PUM1: variants seen among roughly 807,000 people sequenced by gnomAD.
The protein encoded by PUM1 is pumilio RNA binding family member 1.
In PUM1, 13 loss-of-function variants were observed where a neutral mutation model predicts 131.8. The observed-to-expected ratio is 0.10, with a 90% CI of 0.06 to 0.16. PUM1 has a LOEUF of 0.16. PUM1 is among the 10% of genes least tolerant of loss of function. The pLI is 1.00. For missense variants in PUM1, 961 were observed against 1,512.4 expected, an observed-to-expected ratio of 0.64 and a Z score of 6.05; for synonymous variants, 509 against 556.5, an observed-to-expected ratio of 0.91 and a Z score of 1.20.
At chr1:31,047,021 T>C (rs1317334281) in intron 2 of PUM1, among the ~76,000 whole-genome samples, 1 of 151,988 alleles carries the variant, frequency 6.6e-6, no homozygotes, top group African/African-American at 2.4e-5. Context: ...TGAAACCTCA[T>C]CTCTACTAAA....
At chr1:31,038,984 A>ATATATATATTT in intron 2 of PUM1, among the ~76,000 whole-genome samples, 24 of 49,414 alleles carry the variant, frequency 4.9e-4, no homozygotes, top group Non-Finnish European at 7.3e-4. Context: ...ATATATATAT[A>ATATATATATTT]TTTTTTTTTT....
rs1452924661 is a variant in PUM1 at position 31,028,713 on chromosome 1, T to C, written c.432+83A>G. Reference sequence around the variant, plus strand: ...AAAGCAAGCACATATTTCTGGAGACTAGATTTGGACACATTTGATGAAAGA... The same window carrying C: ...AAAGCAAGCACATATTTCTGGAGACCAGATTTGGACACATTTGATGAAAGA... On this transcript the variant is annotated intron_variant, in intron 3 of 21. Transcript: ENST00000426105. 3 of 1,100,116 alleles carry C rather than the reference T, an allele frequency of 2.7e-6. No homozygotes were observed. The Admixed American group carries it at 5.1e-5, about 19-fold the overall frequency. 68.1% of individuals were successfully genotyped at this position (1,100,116 alleles called of 1,614,324 possible). A position where few individuals can be genotyped will look rare whatever the true frequency, so the allele number is the denominator to read the frequency against.
chr1:31,014,648 C>T (rs1181041630), intron 3 of PUM1, among the ~76,000 whole-genome samples: 1 of 151,726 alleles, frequency 6.6e-6, no homozygotes, highest in African/African-American at 2.4e-5. Context: ...ATCAGCCAGG[C>T]GTAGTGGCCA....
At chr1:30,936,864 C>A in intron 20 of PUM1, 29 bp from the exon 21 acceptor site, 1 of 1,549,500 alleles carries the variant, frequency 6.5e-7, no homozygotes, top group African/African-American at 1.4e-5. Context: ...AGGGACAACT[C>A]TTACAAGAGA....
chr1:31,007,123 A>C, intron 3 of PUM1, 21 bp from the exon 4 acceptor site: 1 of 1,544,462 alleles, frequency 6.5e-7, no homozygotes, highest in Non-Finnish European at 9.0e-7. Context: ...AAAATAATAG[A>C]TGCTTTTAAA....
intron 10 of PUM1, among the ~76,000 whole-genome samples, chr1:30,972,132 G>A (rs1640895909): frequency 6.6e-6 from 1 of 150,704 alleles, no homozygotes; most frequent in South Asian, 2.1e-4. Flanking sequence ...GCACGTGCCT[G>A]TAATCCCAGC....
intron 2 of PUM1, among the ~76,000 whole-genome samples, chr1:31,046,722 C>T (rs541300443): frequency 7.8e-4 from 118 of 151,898 alleles, no homozygotes; most frequent in African/African-American, 2.7e-3. Flanking sequence ...CACCCACCTC[C>T]GTCTCCCAAA....
intron 3 of PUM1, among the ~76,000 whole-genome samples, chr1:31,018,101 A>G (rs1261625915): frequency 6.6e-6 from 1 of 152,214 alleles, no homozygotes; most frequent in African/African-American, 2.4e-5. Context: ...CTGAATTACC[A>G]GCACTTTGGG....
At chr1:30,981,247 G>T in intron 8 of PUM1, 65 bp downstream of exon 8, 1 of 1,044,992 alleles carries the variant, frequency 9.6e-7, no homozygotes, top group Non-Finnish European at 1.4e-6. Flanking sequence ...GGGTTTCACA[G>T]CAACCAGTTA....
Position 30,966,408 on chromosome 1 carries a change from T to C in PUM1, c.1790-130A>G, listed in dbSNP as rs984686301. 26 of 921,820 alleles carry C rather than the reference T, an allele frequency of 2.8e-5. No homozygotes were observed. In the East Asian group the frequency reaches 6.9e-4, roughly 25 times the overall value. The allele number at this position is 921,820 out of a possible 1,614,324, so 57.1% of individuals were successfully genotyped here. ...TCAAAACAGACACAAACCATACAAA[T>C]CTGTCTTTGATCCCTTCATATGAAG... On this transcript the variant is annotated intron_variant, in intron 12 of 21. Transcript: ENST00000426105.
At chr1:30,992,762 C>T (rs765785838) in intron 6 of PUM1, 102 bp from the exon 7 acceptor site, 24 of 982,000 alleles carry the variant, frequency 2.4e-5, no homozygotes, top group Non-Finnish European at 3.5e-5. Flanking sequence ...TCATTATCAA[C>T]AGTATTTAAA....
rs1557564612 is a variant in PUM1, at chr1:30,974,766, G to C, written c.1391C>G (p.Thr464Ser). Residue 464 changes from threonine (T) to serine (S), a missense_variant, in exon 10 of 22, where the codon ACT (threonine) becomes AGT (serine). By Grantham distance (58) the Thr-to-Ser change is moderately conservative. Coordinates refer to ENST00000426105, the MANE Select transcript of PUM1 (RefSeq NM_001020658.2). Reference protein sequence around the residue: ...AVVPHQYYGVTPWGVYPASLF... With the variant: ...AVVPHQYYGVSPWGVYPASLF... ...ACTGGCAGGGTAGACTCCCCAGGGA[G>C]TAACTCCATAATACTGGTGAGGGAC... The C allele has an allele frequency of 6.2e-7, 1 of 1,613,026 alleles. No individual in the cohort carries two copies. Among genetic ancestry groups the C allele is most frequent in the Non-Finnish European group, 8.5e-7 (1 of 1,179,792 alleles).
At chr1:31,009,922 A>T (rs1220224661) in intron 3 of PUM1, among the ~76,000 whole-genome samples, 1 of 152,176 alleles carries the variant, frequency 6.6e-6, no homozygotes, top group Non-Finnish European at 1.5e-5. Context: ...AAGGCTTCAA[A>T]AATCAGTTCT....
chr1:30,986,127 G>C (rs980226261), intron 7 of PUM1, among the ~76,000 whole-genome samples: 1 of 152,100 alleles, frequency 6.6e-6, no homozygotes. Flanking sequence ...GCTAATTTTT[G>C]TATTTTTACT....
At chr1:30,950,041 C>A in intron 17 of PUM1, 86 bp downstream of exon 17, 1 of 1,447,412 alleles carries the variant, frequency 6.9e-7, no homozygotes, top group Non-Finnish European at 9.3e-7. Flanking sequence ...TAAAAGAAAA[C>A]TGAAAATTGA....
chr1:31,016,410 A>C (rs934928465), intron 3 of PUM1, among the ~76,000 whole-genome samples: 1 of 152,156 alleles, frequency 6.6e-6, no homozygotes, highest in Non-Finnish European at 1.5e-5. Flanking sequence ...TAAAGCAAAG[A>C]ATTTTTAAGT....
chr1:30,951,359 A>T (rs1273313513), intron 16 of PUM1, among the ~76,000 whole-genome samples: 1 of 152,258 alleles, frequency 6.6e-6, no homozygotes, highest in Admixed American at 6.5e-5. Flanking sequence ...AAAGCTGAAG[A>T]ATTCAGGGTG....
chr1:30,960,812 T>C (rs1640372937), intron 14 of PUM1, among the ~76,000 whole-genome samples: 1 of 152,118 alleles, frequency 6.6e-6, no homozygotes, highest in African/African-American at 2.4e-5. Context: ...ATCACAGACT[T>C]ATATTTAAGA....
At chr1:30,936,910 T>C in intron 20 of PUM1, 75 bp from the exon 21 acceptor site, 13 of 1,306,332 alleles carry the variant, frequency 1.0e-5, no homozygotes, top group Non-Finnish European at 1.3e-5. Context: ...GCCTAGCTTC[T>C]GCCCTGACCT....
Sources: allele counts gnomAD v4.1 joint callset (sites outside exome capture counted in the v4.1 genomes callset), GRCh38; gene constraint gnomAD v4.1.1; transcripts MANE v1.5; gene names NCBI Gene and HGNC (gene_info 2026-07-23, HGNC 2026-07-21).